SORCS2: variants seen among roughly 807,000 people sequenced by gnomAD.
SORCS2 encodes the protein VPS10 domain-containing receptor SorCS2.
Under a neutral mutation model 141.6 loss-of-function variants are expected in SORCS2, and 100 were observed. The ratio of observed to expected loss-of-function variants is 0.71; its 90% CI spans 0.60 to 0.83. SORCS2 has a LOEUF of 0.83. Among genes scored for constraint, SORCS2 ranks in the 40% least tolerant of loss-of-function variants. The pLI is 0.00. For missense variants in SORCS2, 1,646 were observed against 1,560.2 expected, an observed-to-expected ratio of 1.05 and a Z score of -0.93; for synonymous variants, 789 against 676.9, an observed-to-expected ratio of 1.17 and a Z score of -2.57.
intron 1 of SORCS2, among the ~76,000 whole-genome samples, chr4:7,369,846 C>T (rs1470174008): frequency 6.6e-6 from 1 of 152,238 alleles, no homozygotes; most frequent in Admixed American, 6.5e-5. Context: ...GATGCTCACA[C>T]ACATCAGCTC....
chr4:7,739,656 C>T (rs946418558), intron 26 of SORCS2, among the ~76,000 whole-genome samples: 14 of 152,242 alleles, frequency 9.2e-5, no homozygotes, highest in South Asian at 8.3e-4. Context: ...GGCTGTGCCG[C>T]GGGTGCTCCC....
At position 7,482,830 on chromosome 4, in the gene SORCS2, G is replaced by A. The variant is rs866532408; in HGVS notation, c.549-48700G>A. ...TGTATCCCCACTGCGGACACCCCTGGCTGCTGTTCAGACCTGTATCCCCGC... is the reference window on the plus strand; with the variant it reads ...TGTATCCCCACTGCGGACACCCCTGACTGCTGTTCAGACCTGTATCCCCGC... On this transcript the variant is annotated intron_variant, in intron 2 of 26. Transcript: ENST00000507866. Among the ~76,000 whole-genome samples the A allele has an allele frequency of 8.3e-4, 111 of 133,828 alleles. 2 individuals are homozygous for A. Among genetic ancestry groups the A allele is most frequent in the African/African-American group, 3.7e-3 (106 of 28,978 alleles). 87.8% of individuals were successfully genotyped at this position (133,828 alleles called of 152,430 possible). A position where few individuals can be genotyped will look rare whatever the true frequency, so the allele number is the denominator to read the frequency against.
intron 2 of SORCS2, among the ~76,000 whole-genome samples, chr4:7,529,263 C>A (rs79268095): frequency 6.6e-6 from 1 of 152,214 alleles, no homozygotes; most frequent in African/African-American, 2.4e-5. Flanking sequence ...TGCAACCCAG[C>A]GGCCCCACCA....
At chr4:7,589,477 A>G (rs1197663248) in intron 3 of SORCS2, among the ~76,000 whole-genome samples, 1 of 152,038 alleles carries the variant, frequency 6.6e-6, no homozygotes, top group African/African-American at 2.4e-5. Flanking sequence ...ATCTCGGCTC[A>G]TTGCAACCTC....
At chr4:7,515,355 C>T (rs539961210) in intron 2 of SORCS2, among the ~76,000 whole-genome samples, 88 of 152,292 alleles carry the variant, frequency 5.8e-4, no homozygotes, top group Admixed American at 1.2e-3. Flanking sequence ...GGGTCAGGGG[C>T]GGATGAGGCC....
intron 3 of SORCS2, among the ~76,000 whole-genome samples, chr4:7,599,641 C>T (rs1377272987): frequency 6.6e-6 from 1 of 152,124 alleles, no homozygotes; most frequent in South Asian, 2.1e-4. Flanking sequence ...GGTGTCTCTT[C>T]CTGTGATTCT....
intron 1 of SORCS2, among the ~76,000 whole-genome samples, chr4:7,389,787 G>A (rs376051465): frequency 8.3e-4 from 127 of 152,334 alleles, no homozygotes; most frequent in African/African-American, 3.0e-3. Flanking sequence ...ACAGAGTCAA[G>A]GCCGGAGCTC....
chr4:7,329,923 G>A (rs1021302189), intron 1 of SORCS2, among the ~76,000 whole-genome samples: 4 of 152,098 alleles, frequency 2.6e-5, no homozygotes, highest in African/African-American at 4.8e-5. Flanking sequence ...ATCTTGGGTC[G>A]AGGAGCACCT....
intron 1 of SORCS2, among the ~76,000 whole-genome samples, chr4:7,376,315 G>T (rs2109057658): frequency 6.6e-6 from 1 of 151,952 alleles, no homozygotes; most frequent in East Asian, 1.9e-4. Flanking sequence ...GGTGGCTCAT[G>T]CCTGTAATCC....
chr4:7,482,950 G>C (rs1355378617), intron 2 of SORCS2, among the ~76,000 whole-genome samples: 1 of 152,222 alleles, frequency 6.6e-6, no homozygotes, highest in Admixed American at 6.5e-5. Context: ...TTGGAAGTAG[G>C]GTCTTTGTGG....
chr4:7,319,675 C>T (rs1718777852), intron 1 of SORCS2, among the ~76,000 whole-genome samples: 1 of 152,170 alleles, frequency 6.6e-6, no homozygotes, highest in African/African-American at 2.4e-5. Flanking sequence ...GATCATGCCA[C>T]TGTACTCCAG....
chr4:7,296,166 G>C (rs1013861732), intron 1 of SORCS2, among the ~76,000 whole-genome samples: 2 of 152,232 alleles, frequency 1.3e-5, no homozygotes, highest in Admixed American at 1.3e-4. Flanking sequence ...TGTTTCTGTG[G>C]CTCCTTGGGG....
At chr4:7,718,259 GT>G (rs1239481210) in intron 18 of SORCS2, 76 bp downstream of exon 18, 1 of 1,520,042 alleles carries the variant, frequency 6.6e-7, no homozygotes, top group African/African-American at 1.4e-5. Context: ...AGAAGGCACG[GT>G]GAGGGTGTCT....
At chr4:7,463,395 T>G (rs116067068) in intron 2 of SORCS2, among the ~76,000 whole-genome samples, 2,036 of 152,244 alleles carry the variant, frequency 0.013, 40 homozygotes, top group African/African-American at 0.047. Context: ...ACTCACATAT[T>G]CTGAAAAGGG....
intron 15 of SORCS2, among the ~76,000 whole-genome samples, chr4:7,713,632 T>C (rs539842222): frequency 7.4e-4 from 112 of 151,672 alleles, no homozygotes; most frequent in African/African-American, 2.6e-3. Context: ...TGGGGGGCAG[T>C]GGGGGATGAG....
intron 3 of SORCS2, among the ~76,000 whole-genome samples, chr4:7,591,586 C>G (rs1361981396): frequency 6.6e-6 from 1 of 152,200 alleles, no homozygotes; most frequent in Non-Finnish European, 1.5e-5. Flanking sequence ...GTCAGCCACT[C>G]AGCACACTCA....
chr4:7,622,217 G>C (rs1019684133), intron 3 of SORCS2, among the ~76,000 whole-genome samples: 12 of 152,160 alleles, frequency 7.9e-5, no homozygotes, highest in African/African-American at 2.9e-4. Flanking sequence ...CAGGGAGCAA[G>C]AAGGAGGAGG....
At chr4:7,703,229 A>C (rs1187420168) in intron 12 of SORCS2, 51 bp from the exon 13 acceptor site, 2 of 1,483,552 alleles carry the variant, frequency 1.3e-6, no homozygotes, top group African/African-American at 2.8e-5. Context: ...GCCTGGAACA[A>C]CCTCCGACCT....
At chr4:7,587,783 G>A (rs982336120) in intron 3 of SORCS2, among the ~76,000 whole-genome samples, 2 of 152,128 alleles carry the variant, frequency 1.3e-5, no homozygotes, top group Non-Finnish European at 2.9e-5. Flanking sequence ...CTTTCCAGCT[G>A]CAGGGCCTGT....
Sources: allele counts gnomAD v4.1 joint callset (sites outside exome capture counted in the v4.1 genomes callset), GRCh38; gene constraint gnomAD v4.1.1; transcripts MANE v1.5; gene names NCBI Gene and HGNC (gene_info 2026-07-23, HGNC 2026-07-21).